SYT1: variants seen among roughly 807,000 people sequenced by gnomAD.
SYT1 encodes synaptotagmin 1.
Under a neutral mutation model 44.8 loss-of-function variants are expected in SYT1, and 8 were observed. The observed-to-expected ratio is 0.18, with a 90% CI of 0.10 to 0.32. The LOEUF is 0.32. Among genes scored for constraint, SYT1 ranks in the 10% least tolerant of loss-of-function variants. SYT1 has a pLI of 1.00. For missense variants in SYT1, 286 were observed against 509.3 expected, an observed-to-expected ratio of 0.56 and a Z score of 4.22; for synonymous variants, 154 against 188.8, an observed-to-expected ratio of 0.82 and a Z score of 1.51.
intron 1 of SYT1, among the ~76,000 whole-genome samples, chr12:78,922,688 A>G (rs1299963170): frequency 6.6e-6 from 1 of 151,948 alleles, no homozygotes; most frequent in Non-Finnish European, 1.5e-5. Flanking sequence ...ATCTTTCTAC[A>G]TAGGGACCAG....
At chr12:78,981,610 T>A (rs1288217743) in intron 2 of SYT1, among the ~76,000 whole-genome samples, 2 of 152,152 alleles carry the variant, frequency 1.3e-5, no homozygotes, top group Non-Finnish European at 2.9e-5. Context: ...TATCTCTGAG[T>A]GGATTAACTC....
chr12:79,038,744 C>A (rs564775269), intron 2 of SYT1, among the ~76,000 whole-genome samples: 1 of 151,922 alleles, frequency 6.6e-6, no homozygotes, highest in Admixed American at 6.6e-5. Context: ...CATTCTAGTC[C>A]ATCATGGGTT....
chr12:79,448,813 A>AGATT, intron 10 of SYT1, 105 bp from the exon 11 acceptor site: 1 of 967,596 alleles, frequency 1.0e-6, no homozygotes, highest in Non-Finnish European at 1.6e-6. Context: ...TAGTGCTTGG[A>AGATT]GATTGATTCT....
intron 2 of SYT1, among the ~76,000 whole-genome samples, chr12:78,991,714 G>A (rs1182597182): frequency 6.6e-6 from 1 of 152,038 alleles, no homozygotes; most frequent in East Asian, 1.9e-4. Context: ...ATTCAGCCTT[G>A]CCCTTTCTTT....
intron 3 of SYT1, among the ~76,000 whole-genome samples, chr12:79,096,244 C>G (rs67300523): frequency 0.034 from 5,172 of 152,008 alleles, 174 homozygotes; most frequent in South Asian, 0.11. Context: ...AAAAGCCTCT[C>G]CCTGCAACTT....
chr12:79,085,988 AAT>A (rs1877352307), intron 3 of SYT1, among the ~76,000 whole-genome samples: 2 of 152,150 alleles, frequency 1.3e-5, no homozygotes, highest in South Asian at 4.1e-4. Context: ...ACCAGGTTTG[AAT>A]CCCAGATCTT....
chr12:79,046,749 A>G (rs1334850565), intron 2 of SYT1, among the ~76,000 whole-genome samples: 1 of 151,990 alleles, frequency 6.6e-6, no homozygotes, highest in Non-Finnish European at 1.5e-5. Flanking sequence ...ATGTATGTTT[A>G]TCCTATGTAC....
At chr12:79,064,031 C>A (rs972462129) in intron 3 of SYT1, among the ~76,000 whole-genome samples, 1 of 152,094 alleles carries the variant, frequency 6.6e-6, no homozygotes, top group Non-Finnish European at 1.5e-5. Context: ...CCCTCCTTAT[C>A]CCTACCATTC....
intron 3 of SYT1, among the ~76,000 whole-genome samples, chr12:79,166,175 T>A (rs183683258): frequency 6.6e-6 from 1 of 152,168 alleles, no homozygotes; most frequent in East Asian, 1.9e-4. Flanking sequence ...GACCTGCTTT[T>A]GCAAATCACT....
intron 4 of SYT1, among the ~76,000 whole-genome samples, chr12:79,272,338 G>C (rs1878473050): frequency 1.3e-5 from 2 of 152,190 alleles, no homozygotes; most frequent in Non-Finnish European, 2.9e-5. Flanking sequence ...TGATTACAAT[G>C]AACGGGTAAA....
At chr12:78,972,703 C>A (rs1436988349) in intron 1 of SYT1, among the ~76,000 whole-genome samples, 5 of 151,620 alleles carry the variant, frequency 3.3e-5, no homozygotes, top group Non-Finnish European at 7.4e-5. Flanking sequence ...ATTAATATTC[C>A]TAACTCATTC....
chr12:79,265,476 C>G lies in SYT1; in HGVS notation c.167-20311C>G, dbSNP rs140388947. Among the ~76,000 whole-genome samples, 44 of 152,138 alleles carry G rather than the reference C, an allele frequency of 2.9e-4. No homozygotes were observed. The East Asian group carries it at 7.1e-3, about 25-fold the overall frequency. ...TTCATTTAAATTAAGCCTGATAGTA[C>G]TATACTAACTGATACGTTTACAAAA... On this transcript the variant is annotated intron_variant, in intron 4 of 10. Transcript: ENST00000261205.
At chr12:79,063,128 T>C (rs1198074651) in intron 3 of SYT1, among the ~76,000 whole-genome samples, 1 of 152,222 alleles carries the variant, frequency 6.6e-6, no homozygotes, top group Non-Finnish European at 1.5e-5. Flanking sequence ...ATTTTGCATT[T>C]CACCTTAATC....
intron 9 of SYT1, among the ~76,000 whole-genome samples, chr12:79,394,305 G>A (rs1248443149): frequency 1.3e-5 from 2 of 152,206 alleles, no homozygotes; most frequent in African/African-American, 2.4e-5. Context: ...TACCAAAGCA[G>A]TTGTTAAAAT....
intron 10 of SYT1, 30 bp downstream of exon 10, chr12:79,444,236 C>A: frequency 1.2e-6 from 2 of 1,610,888 alleles, no homozygotes; most frequent in Non-Finnish European, 1.7e-6. Context: ...TGTCTTCCCA[C>A]TCAATTTCAT....
intron 3 of SYT1, among the ~76,000 whole-genome samples, chr12:79,108,477 GC>G (rs918697360): frequency 9.9e-5 from 15 of 151,840 alleles, no homozygotes; most frequent in Non-Finnish European, 1.8e-4. Flanking sequence ...AATAGAGAAA[GC>G]TTTTTTATCT....
Position 79,215,976 on chromosome 12 carries a change from G to A in SYT1, c.-17-1527G>A, listed in dbSNP as rs543017642. 1.1e-3 allele frequency among the ~76,000 whole-genome samples: 137 copies of A among 129,108 alleles called. 7 individuals are homozygous for A. The South Asian group carries it at 0.032, about 30-fold the overall frequency. 84.7% of individuals were successfully genotyped at this position (129,108 alleles called of 152,430 possible). A position where few individuals can be genotyped will look rare whatever the true frequency, so the allele number is the denominator to read the frequency against. On this transcript the variant is annotated intron_variant, in intron 3 of 10. Transcript: ENST00000261205. ...GACAGAGTTTCGCTCTTGTAGCCCA[G>A]GCTGGAGTGCAGTAGCACAATCTTG...
At chr12:79,271,680 T>G (rs1469278384) in intron 4 of SYT1, among the ~76,000 whole-genome samples, 1 of 152,226 alleles carries the variant, frequency 6.6e-6, no homozygotes, top group Non-Finnish European at 1.5e-5. Flanking sequence ...TTATGCCTAC[T>G]TGTCATGAAA....
chr12:79,050,446 A>T (rs933713294), intron 3 of SYT1, among the ~76,000 whole-genome samples: 2 of 152,024 alleles, frequency 1.3e-5, no homozygotes, highest in Non-Finnish European at 2.9e-5. Flanking sequence ...CTTTCTTTTG[A>T]TTGCTGAAGC....
Sources: allele counts gnomAD v4.1 joint callset (sites outside exome capture counted in the v4.1 genomes callset), GRCh38; gene constraint gnomAD v4.1.1; transcripts MANE v1.5; gene names NCBI Gene and HGNC (gene_info 2026-07-23, HGNC 2026-07-21).